Variants in PACSIN2 observed in about 807,000 individuals in gnomAD.
The protein encoded by PACSIN2 is protein kinase C and casein kinase substrate in neurons 2, also known as protein kinase C and casein kinase substrate in neurons protein 2.
A neutral mutation model predicts 63.8 loss-of-function variants in PACSIN2; 25 were observed. The ratio of observed to expected loss-of-function variants is 0.39; its 90% CI spans 0.29 to 0.55. The LOEUF (loss-of-function observed/expected upper bound fraction) is 0.55, where lower values mean the gene tolerates loss of function less well. Among genes scored for constraint, PACSIN2 ranks in the 20% least tolerant of loss-of-function variants. The pLI is 0.62. For synonymous variants in PACSIN2, 255 were observed against 256.2 expected (o/e 1.00, Z 0.05); for missense variants, 518 against 646.9 (o/e 0.80, Z 2.16).
At chr22:42,960,071 C>T (rs143482042) in intron 1 of PACSIN2, among the ~76,000 whole-genome samples, 59 of 152,264 alleles carry the variant, frequency 3.9e-4, no homozygotes, top group African/African-American at 1.3e-3. Flanking sequence ...AGTATTTCCA[C>T]GGAAAATCAG....
chr22:42,997,146 C>G (rs1295435977), intron 1 of PACSIN2, among the ~76,000 whole-genome samples: 2 of 152,206 alleles, frequency 1.3e-5, no homozygotes, highest in African/African-American at 4.8e-5. Context: ...GGTGTTTAAT[C>G]ACGCTCTGCC....
intron 1 of PACSIN2, among the ~76,000 whole-genome samples, chr22:43,012,873 C>T (rs888788294): frequency 6.6e-6 from 1 of 152,146 alleles, no homozygotes; most frequent in African/African-American, 2.4e-5. Context: ...AAGCTGGTCT[C>T]GAACTCCCGA....
At chr22:42,912,500 C>T (rs1180532333) in intron 1 of PACSIN2, among the ~76,000 whole-genome samples, 1 of 152,220 alleles carries the variant, frequency 6.6e-6, no homozygotes, top group African/African-American at 2.4e-5. Flanking sequence ...CTTTGACACC[C>T]TACTCCCCTC....
rs977517464 is a variant in PACSIN2, at chr22:42,942,932, T to C, written c.-77-30775A>G. On this transcript the variant is annotated intron_variant, in intron 1 of 10. Coordinates refer to ENST00000263246, the MANE Select transcript of PACSIN2 (RefSeq NM_001184970.3). ...CCACAGGGATTTTAGAATTGGCTTG[T>C]TGCTTTGGGATTTTGAAAGGGACTG... Among the ~76,000 whole-genome samples, 6 of 152,232 alleles carry C rather than the reference T, an allele frequency of 3.9e-5. No individual in the cohort carries two copies. In the East Asian group the frequency reaches 9.6e-4, roughly 24 times the overall value.
intron 1 of PACSIN2, among the ~76,000 whole-genome samples, chr22:42,923,893 T>C (rs1290882303): frequency 6.6e-6 from 1 of 151,952 alleles, no homozygotes; most frequent in Non-Finnish European, 1.5e-5. Context: ...AAAAATAAAA[T>C]TAGCCAGGTG....
chr22:42,889,156 G>A (rs1929711456), intron 4 of PACSIN2, among the ~76,000 whole-genome samples: 1 of 152,120 alleles, frequency 6.6e-6, no homozygotes, highest in Non-Finnish European at 1.5e-5. Flanking sequence ...GGAGCATGGG[G>A]TGGGTGGAGA....
At chr22:42,898,210 T>TCTGCATACAGCACCC (rs1240024130) in intron 2 of PACSIN2, among the ~76,000 whole-genome samples, 4 of 151,848 alleles carry the variant, frequency 2.6e-5, no homozygotes, top group African/African-American at 9.7e-5. Context: ...GACAGGTTTC[T>TCTGCATACAGCACCC]CTGCATACAG....
chr22:42,955,524 C>T (rs1017894010), intron 1 of PACSIN2, among the ~76,000 whole-genome samples: 1 of 152,082 alleles, frequency 6.6e-6, no homozygotes, highest in African/African-American at 2.4e-5. Context: ...GTTTACATAG[C>T]CTCACATCAT....
intron 1 of PACSIN2, among the ~76,000 whole-genome samples, chr22:42,971,005 C>T (rs1020562475): frequency 6.6e-6 from 1 of 152,228 alleles, no homozygotes; most frequent in African/African-American, 2.4e-5. Context: ...CACCTCTCAC[C>T]ACTCAGCAGT....
chr22:42,979,523 C>CAAAAAAAAAAAAAAAAAA (rs768725896), intron 1 of PACSIN2, among the ~76,000 whole-genome samples: 1 of 61,644 alleles, frequency 1.6e-5, no homozygotes, highest in African/African-American at 6.2e-5. Flanking sequence ...GACTCCCTCT[C>CAAAAAAAAAAAAAAAAAA]AAAAAAAAAA....
chr22:42,893,554 G>A lies in PACSIN2; in HGVS notation c.120C>T (p.Asp40=), dbSNP rs761603768. 1 of 1,614,162 alleles carries A rather than the reference G, an allele frequency of 6.2e-7. No individual in the cohort carries two copies. Among genetic ancestry groups the A allele is most frequent in the Non-Finnish European group, 8.5e-7 (1 of 1,180,034 alleles). ...RIDDGHRLCS[D]LMNCLHERAR... ...CCCGCTCATGCAGGCAGTTCATGAG[G>A]TCGCTGCACAGGCGGTGGCCATCGT... is the stretch of plus-strand genomic sequence containing the variant. The change falls in exon 3 of 11, where the codon GAC becomes GAT. Residue 40 remains aspartate, a synonymous_variant. Transcript: ENST00000263246.
chr22:42,877,936 A>G (rs764251868), intron 8 of PACSIN2, among the ~76,000 whole-genome samples: 9 of 152,208 alleles, frequency 5.9e-5, no homozygotes, highest in Non-Finnish European at 1.2e-4. Context: ...AGGCGAGGAC[A>G]TGCCTCCAAT....
At chr22:42,911,937 C>G in intron 2 of PACSIN2, 84 bp downstream of exon 2, 1 of 972,720 alleles carries the variant, frequency 1.0e-6, no homozygotes, top group Non-Finnish European at 1.6e-6. Flanking sequence ...CCTCAGTTCC[C>G]AACCTCCACC....
chr22:42,969,775 C>G (rs192192098), intron 1 of PACSIN2, among the ~76,000 whole-genome samples: 1 of 151,750 alleles, frequency 6.6e-6, no homozygotes, highest in African/African-American at 2.4e-5. Context: ...CCCATCTCTA[C>G]GAAAAATTTT....
intron 1 of PACSIN2, among the ~76,000 whole-genome samples, chr22:42,943,781 G>A (rs1023022137): frequency 1.3e-5 from 2 of 152,202 alleles, no homozygotes; most frequent in East Asian, 3.9e-4. Context: ...TTATTCTCTG[G>A]CTTTGAGAAA....
rs1306492383 is a variant in PACSIN2, at chr22:42,893,474, C to T, written c.200G>A (p.Arg67Lys). 6.2e-7 allele frequency: 1 copy of T among 1,613,500 alleles called. No homozygotes were observed. The highest frequency in any genetic ancestry group is 8.5e-7 in the Non-Finnish European group (1 of 1,180,020). Residue 67 changes from arginine (R) to lysine (K), a missense_variant, in exon 3 of 11, where the codon AGG (arginine) becomes AAG (lysine). By Grantham distance (26) the Arg-to-Lys change is conservative (BLOSUM62 2). Coordinates refer to ENST00000263246, the MANE Select transcript of PACSIN2 (RefSeq NM_001184970.3). ...CCCCATACCTTTCTCCACGAGCTGC[C>T]TCCAGCGCCGGGCCCACTCAGTGAG... ...QQLTEWARRW[R>K]QLVEKGPQYG... is the part of the protein sequence containing the mutation.
Position 43,007,875 on chromosome 22 carries a change from C to G in PACSIN2, c.-78+7146G>C, listed in dbSNP as rs544984509. ...ACCTCTGACTCACCCTGCCTGTTGC[C>G]TTCCACCCACAGATGCTCCCTCCAC... On this transcript the variant is annotated intron_variant, in intron 1 of 10. Transcript: ENST00000263246. Among the ~76,000 whole-genome samples the G allele has an allele frequency of 3.3e-5, 5 of 152,340 alleles. 1 individual carries two copies. The highest frequency in any genetic ancestry group is 3.3e-4 in the Admixed American group (5 of 15,306).
intron 1 of PACSIN2, among the ~76,000 whole-genome samples, chr22:42,986,749 C>T (rs55721397): frequency 0.026 from 3,898 of 152,112 alleles, 167 homozygotes; most frequent in African/African-American, 0.09. Context: ...AAGTGGGAAC[C>T]CCACGTGCAA....
intron 2 of PACSIN2, 66 bp downstream of exon 2, chr22:42,911,955 C>T (rs1931487261): frequency 3.2e-6 from 4 of 1,260,302 alleles, no homozygotes; most frequent in African/African-American, 1.5e-5. Flanking sequence ...ACCAAAAAAA[C>T]CAAAGGGCCT....
Sources: allele counts gnomAD v4.1 joint callset (sites outside exome capture counted in the v4.1 genomes callset), GRCh38; gene constraint gnomAD v4.1.1; transcripts MANE v1.5; gene names NCBI Gene and HGNC (gene_info 2026-07-23, HGNC 2026-07-21).